Variants in TSHZ2 observed in about 807,000 individuals in gnomAD.
TSHZ2 encodes the protein teashirt homolog 2.
TSHZ2 carries 21 observed loss-of-function variants against 74.4 expected under a neutral mutation model. The observed-to-expected ratio is 0.28, with a 90% CI of 0.20 to 0.41. The LOEUF (loss-of-function observed/expected upper bound fraction) is 0.41. Among genes scored for constraint, TSHZ2 ranks in the 10% least tolerant of loss-of-function variants. TSHZ2 has a pLI of 1.00. For synonymous variants in TSHZ2, 540 were observed against 515.3 expected, an observed-to-expected ratio of 1.05 and a Z score of -0.65; for missense variants, 1,244 against 1,293.5, an observed-to-expected ratio of 0.96 and a Z score of 0.59.
At chr20:53,394,405 T>C (rs995096058) in intron 2 of TSHZ2, among the ~76,000 whole-genome samples, 10 of 152,244 alleles carry the variant, frequency 6.6e-5, no homozygotes, top group African/African-American at 2.4e-4. Flanking sequence ...AAGTTGTCTA[T>C]AAATTAAGAA....
At chr20:53,004,565 C>A (rs1319258311) in intron 1 of TSHZ2, among the ~76,000 whole-genome samples, 1 of 152,124 alleles carries the variant, frequency 6.6e-6, no homozygotes, top group Non-Finnish European at 1.5e-5. Flanking sequence ...CAGTCCAGAC[C>A]TGCCGGGAAA....
Position 53,469,493 on chromosome 20 carries a change from G to A in TSHZ2, c.*9-17651G>A, listed in dbSNP as rs1036771259. Among the ~76,000 whole-genome samples the A allele has an allele frequency of 4.0e-5, 6 of 151,604 alleles. No homozygotes were observed. In the South Asian group the frequency reaches 6.2e-4, roughly 16 times the overall value. On this transcript the variant is annotated intron_variant, in intron 2 of 2. Transcript: ENST00000371497. ...CAGGAGGTGGAGGTTGCAGTGAGCC[G>A]AGATCACGCCACTGCACTCCAGCCT...
intron 2 of TSHZ2, among the ~76,000 whole-genome samples, chr20:53,291,702 G>A (rs116632093): frequency 0.015 from 2,216 of 152,154 alleles, 51 homozygotes; most frequent in African/African-American, 0.05. Context: ...TGTGCTGGAC[G>A]TTTGACTTTC....
chr20:53,412,807 T>G (rs546351835), intron 2 of TSHZ2: 2 of 152,374 alleles, frequency 1.3e-5, no homozygotes, highest in East Asian at 3.9e-4. Context: ...CTGTCAGAGG[T>G]CAGCTGATCC....
At chr20:53,064,020 G>A (rs1984901273) in intron 1 of TSHZ2, among the ~76,000 whole-genome samples, 1 of 152,148 alleles carries the variant, frequency 6.6e-6, no homozygotes, top group Admixed American at 6.5e-5. Flanking sequence ...CTACATGGCA[G>A]GCACTTGGCT....
At chr20:53,366,023 T>G (rs1981245105) in intron 2 of TSHZ2, among the ~76,000 whole-genome samples, 1 of 152,198 alleles carries the variant, frequency 6.6e-6, no homozygotes, top group African/African-American at 2.4e-5. Flanking sequence ...TTCCCTTTCC[T>G]CAAAGGCAGA....
chr20:53,056,495 G>A (rs188025062), intron 1 of TSHZ2, among the ~76,000 whole-genome samples: 1 of 152,186 alleles, frequency 6.6e-6, no homozygotes, highest in African/African-American at 2.4e-5. Flanking sequence ...AAAGACTACA[G>A]GTTCAACTGA....
At position 53,047,705 on chromosome 20, in the gene TSHZ2, C is replaced by T. The variant is rs954765494; in HGVS notation, c.40+74372C>T. Among the ~76,000 whole-genome samples, 4 of 152,040 alleles carry T rather than the reference C, an allele frequency of 2.6e-5. No individual in the cohort carries two copies. In the South Asian group the frequency reaches 8.3e-4, roughly 32 times the overall value. On this transcript the variant is annotated intron_variant, in intron 1 of 2. Coordinates refer to ENST00000371497, the MANE Select transcript of TSHZ2 (RefSeq NM_173485.6). ...AACACTATGACAACCAAGCAAAATA[C>T]AGTCACGGGCCATTTTGGAGCAAAA... is the stretch of plus-strand genomic sequence containing the variant.
At chr20:53,484,587 T>C (rs747491176) in intron 2 of TSHZ2, among the ~76,000 whole-genome samples, 118 of 152,036 alleles carry the variant, frequency 7.8e-4, no homozygotes, top group Non-Finnish European at 2.6e-4. Context: ...AGTTTCGCCA[T>C]GCTTACTAGG....
chr20:53,393,408 G>A (rs755270445), intron 2 of TSHZ2, among the ~76,000 whole-genome samples: 81 of 152,294 alleles, frequency 5.3e-4, no homozygotes, highest in Non-Finnish European at 1.6e-4. Context: ...ACCAGTGCAA[G>A]GTGACTTAAG....
intron 1 of TSHZ2, among the ~76,000 whole-genome samples, chr20:53,054,942 G>A (rs1484838009): frequency 1.3e-5 from 2 of 152,160 alleles, no homozygotes; most frequent in Non-Finnish European, 2.9e-5. Flanking sequence ...TTACTGTCAG[G>A]TGAGAATTGA....
intron 1 of TSHZ2, among the ~76,000 whole-genome samples, chr20:53,244,348 A>G (rs1990150296): frequency 3.9e-5 from 6 of 152,220 alleles, no homozygotes; most frequent in Admixed American, 3.9e-4. Flanking sequence ...AAAAGTCAAC[A>G]CCTAAAAATC....
chr20:53,017,737 G>C (rs1381206072), intron 1 of TSHZ2, among the ~76,000 whole-genome samples: 1 of 152,126 alleles, frequency 6.6e-6, no homozygotes, highest in African/African-American at 2.4e-5. Context: ...CCCGCTTTGG[G>C]AAGTATTTAT....
At chr20:53,274,638 T>C (rs1232553738) in intron 2 of TSHZ2, among the ~76,000 whole-genome samples, 1 of 152,234 alleles carries the variant, frequency 6.6e-6, no homozygotes, top group Admixed American at 6.5e-5. Flanking sequence ...CAATCCATAA[T>C]TGTAACCACT....
intron 2 of TSHZ2, among the ~76,000 whole-genome samples, chr20:53,403,375 A>G (rs571219692): frequency 6.6e-6 from 1 of 152,342 alleles, no homozygotes; most frequent in South Asian, 2.1e-4. Flanking sequence ...TCAACTCCTG[A>G]TGTCCACTTT....
rs147291879 is a variant in TSHZ2, at chr20:53,057,009, T to C, written c.40+83676T>C. 1.2e-3 allele frequency among the ~76,000 whole-genome samples: 179 copies of C among 152,272 alleles called. 1 individual carries two copies. Among genetic ancestry groups the C allele is most frequent in the African/African-American group, 3.7e-3 (153 of 41,566 alleles). On this transcript the variant is annotated intron_variant, in intron 1 of 2. Coordinates refer to ENST00000371497, the MANE Select transcript of TSHZ2 (RefSeq NM_173485.6). ...GACCTGGTGGGAGGTCATTGAATCA[T>C]TGGGGCAGGTTTTTCCTGTACTGTT...
Position 53,454,645 on chromosome 20 carries a change from G to C in TSHZ2, c.*9-32499G>C, listed in dbSNP as rs995069721. On this transcript the variant is annotated intron_variant, in intron 2 of 2. Transcript: ENST00000371497. ...TTCCCATCCTTCAGGTCTTCATTCAGATGTCACTCCCTCAGAGAGGGCTCC... is the reference window on the plus strand; with the variant it reads ...TTCCCATCCTTCAGGTCTTCATTCACATGTCACTCCCTCAGAGAGGGCTCC... Among the ~76,000 whole-genome samples, 7 of 151,920 alleles carry C rather than the reference G, an allele frequency of 4.6e-5. No homozygotes were observed. In the East Asian group the frequency reaches 9.7e-4, roughly 21 times the overall value.
chr20:53,137,380 G>T (rs6022296), intron 1 of TSHZ2, among the ~76,000 whole-genome samples: 1 of 146,602 alleles, frequency 6.8e-6, no homozygotes, highest in African/African-American at 2.5e-5. Context: ...CCGTCACCAA[G>T]AATTCAGCTC....
At chr20:53,203,435 T>C (rs947298600) in intron 1 of TSHZ2, among the ~76,000 whole-genome samples, 2 of 152,128 alleles carry the variant, frequency 1.3e-5, no homozygotes, top group Admixed American at 1.3e-4. Flanking sequence ...CCCCAAGTGA[T>C]GTGCCCACCT....
Sources: allele counts gnomAD v4.1 joint callset (sites outside exome capture counted in the v4.1 genomes callset), GRCh38; gene constraint gnomAD v4.1.1; transcripts MANE v1.5; gene names NCBI Gene and HGNC (gene_info 2026-07-23, HGNC 2026-07-21).